The following ATP10B variants were observed in gnomAD, a reference collection of about 807,000 sequenced individuals.
ATP10B encodes phospholipid-transporting ATPase VB.
ATP10B carries 122 observed loss-of-function variants against 141.2 expected under a neutral mutation model. The ratio of observed to expected loss-of-function variants is 0.86; its 90% CI spans 0.75 to 1.00. ATP10B has a LOEUF of 1.00. ATP10B is among the 50% of genes least tolerant of loss of function. The pLI is 0.00. For synonymous variants in ATP10B, 685 were observed against 692.0 expected (o/e 0.99, Z 0.16); for missense variants, 1,876 against 1,825.3 (o/e 1.03, Z -0.51).
In ATP10B at chr5:160,841,119, T is replaced by C. The variant is rs145238219; in HGVS notation, c.-576+10822A>G. On this transcript the variant is annotated intron_variant, in intron 1 of 25. Transcript: ENST00000327245. ...TTTATCCTGAAGATACATATATATTTATGAGGCTACTCATTAAAGTAATAT... is the reference window on the plus strand; with the variant it reads ...TTTATCCTGAAGATACATATATATTCATGAGGCTACTCATTAAAGTAATAT... 6.0e-3 allele frequency among the ~76,000 whole-genome samples: 915 copies of C among 152,324 alleles called. 13 individuals carry two copies. Among genetic ancestry groups the C allele is most frequent in the African/African-American group, 0.021 (871 of 41,574 alleles).
At chr5:160,887,953 T>G in the ATP10B span, among the ~76,000 whole-genome samples, 6 of 152,362 alleles carry the variant, frequency 3.9e-5, no homozygotes, top group East Asian at 9.6e-4. Context: ...AGGCAGAGAT[T>G]TTTGTCTTTG....
intron 23 of ATP10B, among the ~76,000 whole-genome samples, chr5:160,590,030 G>A (rs1756179935): frequency 6.6e-6 from 1 of 152,150 alleles, no homozygotes; most frequent in Admixed American, 6.5e-5. Context: ...AGTCTATTAG[G>A]CAGTGCGGAT....
chr5:160,668,727 T>A (rs1476611511), intron 7 of ATP10B, among the ~76,000 whole-genome samples: 1 of 152,192 alleles, frequency 6.6e-6, no homozygotes, highest in Non-Finnish European at 1.5e-5. Flanking sequence ...TCCCATTTAT[T>A]GTGAGTCTCT....
At chr5:160,752,979 G>A (rs1016326743) in intron 2 of ATP10B, among the ~76,000 whole-genome samples, 1 of 152,108 alleles carries the variant, frequency 6.6e-6, no homozygotes, top group Non-Finnish European at 1.5e-5. Flanking sequence ...AATTACATTT[G>A]CATGCCAAAT....
chr5:160,807,666 A>G (rs1022611200), intron 1 of ATP10B, among the ~76,000 whole-genome samples: 8 of 152,268 alleles, frequency 5.3e-5, no homozygotes, highest in African/African-American at 1.9e-4. Context: ...AAATAGCATT[A>G]GGATAACTGA....
chr5:160,757,324 T>G (rs1474820189), intron 2 of ATP10B, among the ~76,000 whole-genome samples: 3 of 152,198 alleles, frequency 2.0e-5, no homozygotes. Context: ...TAGTTATGCT[T>G]TCCTTTGAGG....
At chr5:160,910,135 T>C in the ATP10B span, among the ~76,000 whole-genome samples, 3 of 151,566 alleles carry the variant, frequency 2.0e-5, no homozygotes, top group Admixed American at 6.6e-5. Flanking sequence ...GCATCCACAC[T>C]CTGTCCTGAC....
At chr5:160,716,258 A>G (rs1219763616) in intron 3 of ATP10B, among the ~76,000 whole-genome samples, 1 of 152,218 alleles carries the variant, frequency 6.6e-6, no homozygotes, top group Admixed American at 6.5e-5. Context: ...ATATCTCATG[A>G]ATACATAGCA....
intron 3 of ATP10B, among the ~76,000 whole-genome samples, chr5:160,690,866 A>G (rs999847001): frequency 1.3e-5 from 2 of 152,222 alleles, no homozygotes; most frequent in African/African-American, 4.8e-5. Context: ...GGATATACCC[A>G]AAGGATTATA....
intron 1 of ATP10B, among the ~76,000 whole-genome samples, chr5:160,851,591 A>C (rs887153673): frequency 1.3e-5 from 2 of 152,160 alleles, no homozygotes; most frequent in African/African-American, 4.8e-5. Flanking sequence ...CTGCTTTGAG[A>C]AGAAGGCTGT....
chr5:160,771,100 A>G (rs59508214), intron 2 of ATP10B, among the ~76,000 whole-genome samples: 23,680 of 152,074 alleles, frequency 0.16, 2,645 homozygotes, highest in East Asian at 0.42. Flanking sequence ...CGATTATATC[A>G]CAATACCCTC....
intron 24 of ATP10B, among the ~76,000 whole-genome samples, chr5:160,585,905 T>A (rs1755857188): frequency 6.6e-6 from 1 of 152,220 alleles, no homozygotes; most frequent in African/African-American, 2.4e-5. Context: ...AGCCTGGCTA[T>A]GCCTTTTTTT....
At chr5:160,622,681 T>C in intron 13 of ATP10B, 96 bp from the exon 14 acceptor site, 1 of 1,124,952 alleles carries the variant, frequency 8.9e-7, no homozygotes, top group Non-Finnish European at 1.3e-6. Flanking sequence ...TGCAGCTTCA[T>C]TGCAGTCTTG....
At chr5:160,709,626 T>G (rs1449435961) in intron 3 of ATP10B, among the ~76,000 whole-genome samples, 1 of 146,362 alleles carries the variant, frequency 6.8e-6, no homozygotes, top group Non-Finnish European at 1.5e-5. Flanking sequence ...TTTTTTATTA[T>G]ACTCTAAGTT....
At chr5:160,837,662 A>T (rs527618609) in intron 1 of ATP10B, among the ~76,000 whole-genome samples, 2 of 152,308 alleles carry the variant, frequency 1.3e-5, no homozygotes, top group African/African-American at 4.8e-5. Context: ...CTTTGCAAAG[A>T]AGTCATCCTA....
At chr5:160,878,619 T>A in the ATP10B span, among the ~76,000 whole-genome samples, 1 of 151,560 alleles carries the variant, frequency 6.6e-6, no homozygotes, top group African/African-American at 2.4e-5. Context: ...TGGGAGAAAA[T>A]TTTCACAACC....
chr5:160,874,272 A>G, the ATP10B span, among the ~76,000 whole-genome samples: 4 of 147,552 alleles, frequency 2.7e-5, no homozygotes, highest in African/African-American at 9.9e-5. Flanking sequence ...CCAGGAGGGT[A>G]CACTGACACC....
chr5:160,720,726 C>T (rs1045143457), intron 2 of ATP10B, among the ~76,000 whole-genome samples: 2 of 152,220 alleles, frequency 1.3e-5, no homozygotes, highest in Admixed American at 6.5e-5. Context: ...TAAGCTCAAA[C>T]CATCCTTTCC....
chr5:160,817,927 G>A (rs1243725371), intron 1 of ATP10B, among the ~76,000 whole-genome samples: 1 of 152,170 alleles, frequency 6.6e-6, no homozygotes, highest in African/African-American at 2.4e-5. Context: ...AAATGGTGCT[G>A]GGGGAACTGG....
Sources: gnomAD v4.1 joint callset for allele counts (sites outside exome capture counted in the v4.1 genomes callset) on GRCh38, gnomAD v4.1.1 for gene constraint, MANE v1.5 for transcripts, NCBI Gene and HGNC (gene_info 2026-07-23, HGNC 2026-07-21) for gene names.